MCC: variants seen among roughly 807,000 people sequenced by gnomAD.
MCC encodes colorectal mutant cancer protein.
Under a neutral mutation model 116.2 loss-of-function variants are expected in MCC, and 90 were observed. That is an observed-to-expected ratio of 0.77 (90% CI 0.65 to 0.92). MCC has a LOEUF of 0.92. Among genes scored for constraint, MCC ranks in the 40% least tolerant of loss-of-function variants. The pLI is 0.00. For synonymous variants in MCC, 578 were observed against 510.5 expected (o/e 1.13, Z -1.78); for missense variants, 1,516 against 1,312.2 (o/e 1.16, Z -2.40).
chr5:113,141,226 C>T (rs1223407270), intron 5 of MCC, among the ~76,000 whole-genome samples: 2 of 152,340 alleles, frequency 1.3e-5, no homozygotes, highest in African/African-American at 2.4e-5. Context: ...GACTCCAGGA[C>T]CTGCACTTGC....
At chr5:113,374,774 T>C (rs1768939952) in intron 2 of MCC, among the ~76,000 whole-genome samples, 14 of 151,952 alleles carry the variant, frequency 9.2e-5, no homozygotes, top group Admixed American at 7.2e-4. Flanking sequence ...GTGGATCATT[T>C]GAGCCCAGAA....
intron 1 of MCC, among the ~76,000 whole-genome samples, chr5:113,429,404 C>T (rs1003942458): frequency 6.6e-6 from 1 of 152,118 alleles, no homozygotes; most frequent in Admixed American, 6.5e-5. Context: ...GATCTCCTAG[C>T]CTCCAGAACC....
intron 10 of MCC, 80 bp from the exon 11 acceptor site, chr5:113,083,088 T>G (rs1267759890): frequency 8.8e-6 from 12 of 1,369,146 alleles, no homozygotes; most frequent in Non-Finnish European, 1.2e-5. Context: ...AATTTAAAGC[T>G]GATATTCCGT....
In MCC at chr5:113,308,232, C is replaced by T. The variant is rs1581389310; in HGVS notation, c.627+32287G>A. On this transcript the variant is annotated intron_variant, in intron 3 of 18. Coordinates refer to ENST00000408903, the MANE Select transcript of MCC (RefSeq NM_001085377.2). Reference sequence around the variant, plus strand: ...ACAATTCTTTGGTGCCTGTCTAAATCTTAACAACTTTTTAACTCTTGTCCT... The same window carrying T: ...ACAATTCTTTGGTGCCTGTCTAAATTTTAACAACTTTTTAACTCTTGTCCT... 2.0e-5 allele frequency among the ~76,000 whole-genome samples: 3 copies of T among 152,292 alleles called. No homozygotes were observed. In the Middle Eastern group the frequency reaches 0.01, roughly 518 times the overall value.
intron 1 of MCC, among the ~76,000 whole-genome samples, chr5:113,442,079 T>C (rs956812309): frequency 1.3e-5 from 2 of 152,236 alleles, no homozygotes; most frequent in African/African-American, 4.8e-5. Context: ...AGAAATACAC[T>C]GTCTTCCCCA....
chr5:113,071,088 G>GCCTCGCACTGTCTT lies in MCC; in HGVS notation c.1925+5_1925+6insAAGACAGTGCGAGG, dbSNP rs11283943. 242 of 1,610,664 alleles carry GCCTCGCACTGTCTT rather than the reference G, an allele frequency of 1.5e-4. No homozygotes were observed. The East Asian group carries it at 5.3e-3, about 35-fold the overall frequency. On this transcript the variant is annotated splice_donor_region_variant and intron_variant, in intron 12 of 18. Coordinates refer to ENST00000408903, the MANE Select transcript of MCC (RefSeq NM_001085377.2). ...AGTAGCTCCAAACATCCCAGTGTGT[G>GCCTCGCACTGTCTT]CCTACCTGTACTGCAAGGCCAGCCT...
chr5:113,087,533 C>G (rs1439990544), intron 8 of MCC, among the ~76,000 whole-genome samples: 1 of 152,128 alleles, frequency 6.6e-6, no homozygotes, highest in Non-Finnish European at 1.5e-5. Context: ...CAAAGAGAGA[C>G]TGGGCAAAGA....
chr5:113,167,924 CCA>C, intron 3 of MCC, among the ~76,000 whole-genome samples: 1 of 152,110 alleles, frequency 6.6e-6, no homozygotes, highest in East Asian at 1.9e-4. Context: ...CCCACTGCAC[CCA>C]GTCAATACCA....
intron 3 of MCC, among the ~76,000 whole-genome samples, chr5:113,259,623 C>G (rs1765147531): frequency 6.6e-6 from 1 of 152,114 alleles, no homozygotes; most frequent in African/African-American, 2.4e-5. Flanking sequence ...TTGGTTGCAG[C>G]AGAGTGCGGC....
chr5:113,384,586 C>A (rs920192748), intron 2 of MCC, among the ~76,000 whole-genome samples: 3 of 152,012 alleles, frequency 2.0e-5, no homozygotes, highest in Non-Finnish European at 4.4e-5. Context: ...AGACTCCGTC[C>A]CCCGCCCCCC....
At chr5:113,179,767 AT>A (rs1761518295) in intron 3 of MCC, among the ~76,000 whole-genome samples, 1 of 152,152 alleles carries the variant, frequency 6.6e-6, no homozygotes, top group African/African-American at 2.4e-5. Context: ...CCTAGCACCA[AT>A]TTATAACACA....
chr5:113,146,478 C>G (rs1174423100), intron 4 of MCC, among the ~76,000 whole-genome samples: 1 of 151,292 alleles, frequency 6.6e-6, no homozygotes, highest in Non-Finnish European at 1.5e-5. Flanking sequence ...TCTGTGAACT[C>G]TAGGGAGCAT....
chr5:113,350,659 G>A (rs1426989282), intron 2 of MCC, among the ~76,000 whole-genome samples: 1 of 151,974 alleles, frequency 6.6e-6, no homozygotes. Context: ...CACAAGCACA[G>A]GCAACAAAAG....
chr5:113,433,420 C>A, intron 1 of MCC: 1 of 584,358 alleles, frequency 1.7e-6, no homozygotes, highest in South Asian at 1.7e-5. Flanking sequence ...TCTTCCTGCT[C>A]TTGCTGTCAC....
intron 2 of MCC, among the ~76,000 whole-genome samples, chr5:113,356,158 G>A (rs1410222548): frequency 1.3e-5 from 2 of 150,662 alleles, no homozygotes; most frequent in Non-Finnish European, 2.9e-5. Flanking sequence ...CAACTCCTGA[G>A]CTCGAGTCCA....
At chr5:113,236,505 C>T (rs1043166474) in intron 3 of MCC, among the ~76,000 whole-genome samples, 9 of 152,164 alleles carry the variant, frequency 5.9e-5, no homozygotes, top group Non-Finnish European at 2.9e-5. Context: ...TCCACTTCCT[C>T]ATCTGAAAAA....
At chr5:113,340,468 TGGAATACAGACA>T in intron 3 of MCC, 39 bp downstream of exon 3, 1 of 1,465,410 alleles carries the variant, frequency 6.8e-7, no homozygotes, top group Non-Finnish European at 9.6e-7. Context: ...ATATTTGTAT[TGGAATACAGACA>T]GGCCGAAATA....
At position 113,434,120 on chromosome 5, in the gene MCC, GT is replaced by G. The variant is rs1229158228; in HGVS notation, c.171-48909del. 1 of 1,614,078 alleles carries G rather than the reference GT, an allele frequency of 6.2e-7. No homozygotes were observed. ...TGAGGTCCTTGCACTCGCCTGTCAG[GT>G]GCTTGGAGCGTGGGAAGTTGACGCG... is the stretch of plus-strand genomic sequence containing the variant. On this transcript the variant is annotated intron_variant, in intron 1 of 18. Coordinates refer to ENST00000408903, the MANE Select transcript of MCC (RefSeq NM_001085377.2). The surrounding 1 kb of genome is among the most constrained non-coding windows in gnomAD (Gnocchi z 4.2).
chr5:113,403,106 TG>T (rs956794595), intron 1 of MCC, among the ~76,000 whole-genome samples: 2 of 152,138 alleles, frequency 1.3e-5, no homozygotes, highest in Non-Finnish European at 2.9e-5. Context: ...GACTAGTCTG[TG>T]GCCCACTCTG....
Sources: allele counts gnomAD v4.1 joint callset (sites outside exome capture counted in the v4.1 genomes callset), GRCh38; gene constraint gnomAD v4.1.1; non-coding constraint Gnocchi (gnomAD v3.1); transcripts MANE v1.5; gene names NCBI Gene and HGNC (gene_info 2026-07-23, HGNC 2026-07-21).